TLX3: variants seen among roughly 807,000 people sequenced by gnomAD.
TLX3 encodes T cell leukemia homeobox 3.
Under a neutral mutation model 19.6 loss-of-function variants are expected in TLX3, and 11 were observed. That is an observed-to-expected ratio of 0.56 (90% CI 0.35 to 0.93). The LOEUF (loss-of-function observed/expected upper bound fraction) is 0.93. Among genes scored for constraint, TLX3 ranks in the 40% least tolerant of loss-of-function variants. The pLI is 0.01. For synonymous variants in TLX3, 221 were observed against 188.1 expected (o/e 1.17, Z -1.43); for missense variants, 375 against 418.6 (o/e 0.90, Z 0.91).
Position 171,311,755 on chromosome 5 carries a change from G to A in TLX3, c.*156G>A, listed in dbSNP as rs1472540012. On this transcript the variant is annotated 3_prime_UTR_variant, in exon 3 of 3. Coordinates refer to ENST00000296921, the MANE Select transcript of TLX3 (RefSeq NM_021025.4). This position sits in a 1 kb window ranked among gnomAD's most constrained non-coding sequence, Gnocchi z 5.1. ...GCGCGGCCACAGACTGGCGGGCCGCGGAAGGGGGTAGGGCCCGAGCTCCGC... is the reference window on the plus strand; with the variant it reads ...GCGCGGCCACAGACTGGCGGGCCGCAGAAGGGGGTAGGGCCCGAGCTCCGC... The A allele has an allele frequency of 1.9e-5, 10 of 524,548 alleles. No individual in the cohort carries two copies. Among genetic ancestry groups the A allele is most frequent in the South Asian group, 2.9e-5 (1 of 34,920 alleles). 32.5% of individuals were successfully genotyped at this position (524,548 alleles called of 1,614,324 possible). A position where few individuals can be genotyped will look rare whatever the true frequency, so the allele number is the denominator to read the frequency against.
intron 2 of TLX3, among the ~76,000 whole-genome samples, chr5:171,310,891 G>A (rs1194139163): frequency 1.3e-5 from 2 of 151,852 alleles, no homozygotes; most frequent in African/African-American, 4.8e-5. Context: ...GTTTTTATCC[G>A]ATCTCTGTTT....
Position 171,309,737 on chromosome 5 carries a change from T to A in TLX3, c.372T>A (p.Asn124Lys). 6.2e-7 allele frequency: 1 copy of A among 1,610,430 alleles called. No homozygotes were observed. Among genetic ancestry groups the A allele is most frequent in the Non-Finnish European group, 8.5e-7 (1 of 1,178,930 alleles). The change falls in exon 1 of 3, where the codon AAT (asparagine) becomes AAA (lysine). Residue 124 changes from asparagine (N) to lysine (K), a missense_variant. Asn to Lys is a moderately conservative substitution (Grantham distance 94, BLOSUM62 0). Transcript: ENST00000296921. Reference protein sequence around the residue: ...VPTVSSLGGLNFPWMESSRRF... With the variant: ...VPTVSSLGGLKFPWMESSRRF... ...CGGTCTCCAGCCTTGGCGGTCTCAA[T>A]TTCCCCTGGATGGAGAGCAGCCGCC... is the stretch of plus-strand genomic sequence containing the variant.
At position 171,311,643 on chromosome 5, in the gene TLX3, A is replaced by C; in HGVS notation, c.*44A>C. On this transcript the variant is annotated 3_prime_UTR_variant, in exon 3 of 3. Transcript: ENST00000296921. The surrounding 1 kb of genome is among the most constrained non-coding windows in gnomAD (Gnocchi z 5.1). ...TCGCCACGGATCGCCGCCCCCACCC[A>C]GCCGGGCGCCCCGGACCCCCCAGGC... 1 of 1,498,334 alleles carries C rather than the reference A, an allele frequency of 6.7e-7. No individual in the cohort carries two copies. The highest frequency in any genetic ancestry group is 9.1e-7 in the Non-Finnish European group (1 of 1,099,106). 92.8% of individuals were successfully genotyped at this position (1,498,334 alleles called of 1,614,324 possible).
rs1329231797 is a variant in TLX3, at chr5:171,311,374, C to T, written c.666-15C>T. The T allele has an allele frequency of 7.1e-6, 11 of 1,548,578 alleles. No individual in the cohort carries two copies. ...GGTGCATGACGGTACTGTCCCTCTCCCTCCCCCGGTGCAGGCGGCAGACGG... is the reference window on the plus strand; with the variant it reads ...GGTGCATGACGGTACTGTCCCTCTCTCTCCCCCGGTGCAGGCGGCAGACGG... On this transcript the variant is annotated splice_polypyrimidine_tract_variant and intron_variant, in intron 2 of 2. Transcript: ENST00000296921. The surrounding 1 kb of genome is among the most constrained non-coding windows in gnomAD (Gnocchi z 5.1).
chr5:171,310,300 TG>T lies in TLX3; in HGVS notation c.574del (p.Ala192ProfsTer14). On this transcript the variant is annotated frameshift_variant, in exon 2 of 3. Transcript: ENST00000296921. LOFTEE classifies it high-confidence loss of function. ...LEKRFHRQKY[L>X]ASAERAALAK... ...AAGCGCTTCCATCGCCAGAAGTACC[TG>T]GCCTCTGCCGAGAGGGCGGCGCTCG... The T allele has an allele frequency of 6.2e-7, 1 of 1,603,992 alleles. No individual in the cohort carries two copies. The highest frequency in any genetic ancestry group is 8.5e-7 in the Non-Finnish European group (1 of 1,175,610).
In TLX3 at chr5:171,311,410, G is replaced by A. The variant is rs960697202; in HGVS notation, c.687G>A (p.Arg229=). The change falls in exon 3 of 3, where the codon CGG becomes CGA. Residue 229 remains arginine (R), a synonymous_variant. Transcript: ENST00000296921. This position sits in a 1 kb window ranked among gnomAD's most constrained non-coding sequence, Gnocchi z 5.1. ...TKWRRQTAEE[R]EAERQQASRL... is the part of the protein sequence containing the mutation. The stretch of plus-strand genomic sequence containing the variant: ...GCAGGCGGCAGACGGCGGAGGAGCG[G>A]GAGGCGGAGCGGCAGCAGGCGAGCC... The A allele has an allele frequency of 6.4e-7, 1 of 1,560,952 alleles. No homozygotes were observed. The highest frequency in any genetic ancestry group is 1.4e-5 in the African/African-American group (1 of 73,632).
rs1769235371 is a variant in TLX3 at position 171,312,137 on chromosome 5, T to C, written c.*538T>C. 1 of 174,010 alleles carries C rather than the reference T, an allele frequency of 5.7e-6. No individual in the cohort carries two copies. The highest frequency in any genetic ancestry group is 6.4e-5 in the Admixed American group (1 of 15,714). 10.8% of individuals were successfully genotyped at this position (174,010 alleles called of 1,614,324 possible). A position where few individuals can be genotyped will look rare whatever the true frequency, so the allele number is the denominator to read the frequency against. On this transcript the variant is annotated 3_prime_UTR_variant, in exon 3 of 3. Transcript: ENST00000296921. ...TAATAAAAAAGTTAGCTATTTCACTTAACGCCGCTTTTATTTCGTTTTCGT... is the reference window on the plus strand; with the variant it reads ...TAATAAAAAAGTTAGCTATTTCACTCAACGCCGCTTTTATTTCGTTTTCGT...
At position 171,312,055 on chromosome 5, in the gene TLX3, G is replaced by T. The variant is rs896252577; in HGVS notation, c.*456G>T. ...GTGCCAGGGGCCCGGGGCACCCTGCGTTTAGGCTGGGTCCACTCTTCTTCT... is the reference window on the plus strand; with the variant it reads ...GTGCCAGGGGCCCGGGGCACCCTGCTTTTAGGCTGGGTCCACTCTTCTTCT... On this transcript the variant is annotated 3_prime_UTR_variant, in exon 3 of 3. Transcript: ENST00000296921. 1 of 190,120 alleles carries T rather than the reference G, an allele frequency of 5.3e-6. No homozygotes were observed. The highest frequency in any genetic ancestry group is 2.3e-5 in the African/African-American group (1 of 42,918). The allele number at this position is 190,120 out of a possible 1,614,324, so 11.8% of individuals were successfully genotyped here. A position where few individuals can be genotyped will look rare whatever the true frequency, so the allele number is the denominator to read the frequency against.
At chr5:171,310,423 C>T in intron 2 of TLX3, 30 bp downstream of exon 2, 1 of 1,606,460 alleles carries the variant, frequency 6.2e-7, no homozygotes, top group Non-Finnish European at 8.5e-7. Flanking sequence ...GCCCACCTTA[C>T]ACCTGCCCTT....
In TLX3 at chr5:171,309,273, C is replaced by A; in HGVS notation, c.-93C>A. ...GCGCACTCTTGGCAAAGTTTCAGTG[C>A]GACGAGAGGCGCCGGGCGCTCCATG... On this transcript the variant is annotated 5_prime_UTR_variant, in exon 1 of 3. Coordinates refer to ENST00000296921, the MANE Select transcript of TLX3 (RefSeq NM_021025.4). 1 of 1,115,098 alleles carries A rather than the reference C, an allele frequency of 9.0e-7. No individual in the cohort carries two copies. Among genetic ancestry groups the A allele is most frequent in the Non-Finnish European group, 1.2e-6 (1 of 823,996 alleles). The allele number at this position is 1,115,098 out of a possible 1,614,324, so 69.1% of individuals were successfully genotyped here.
At position 171,311,272 on chromosome 5, in the gene TLX3, G is replaced by C; in HGVS notation, c.666-117G>C. 2 of 812,714 alleles carry C rather than the reference G, an allele frequency of 2.5e-6. No homozygotes were observed. The highest frequency in any genetic ancestry group is 3.8e-6 in the Non-Finnish European group (2 of 528,090). 50.3% of individuals were successfully genotyped at this position (812,714 alleles called of 1,614,324 possible). A position where few individuals can be genotyped will look rare whatever the true frequency, so the allele number is the denominator to read the frequency against. On this transcript the variant is annotated intron_variant, in intron 2 of 2. Coordinates refer to ENST00000296921, the MANE Select transcript of TLX3 (RefSeq NM_021025.4). The surrounding 1 kb of genome is among the most constrained non-coding windows in gnomAD (Gnocchi z 5.1). ...TAAAGCGCGGGCTGGGAGGCAGACGGGTTCTGCGCCTCGAGGCTCCCGGAT... is the reference window on the plus strand; with the variant it reads ...TAAAGCGCGGGCTGGGAGGCAGACGCGTTCTGCGCCTCGAGGCTCCCGGAT...
rs992040346 is a variant in TLX3, at chr5:171,311,200, A to G, written c.666-189A>G. Among the ~76,000 whole-genome samples the G allele has an allele frequency of 2.6e-5, 4 of 152,170 alleles. No homozygotes were observed. Among genetic ancestry groups the G allele is most frequent in the Admixed American group, 1.3e-4 (2 of 15,280 alleles). On this transcript the variant is annotated intron_variant, in intron 2 of 2. Coordinates refer to ENST00000296921, the MANE Select transcript of TLX3 (RefSeq NM_021025.4). The surrounding 1 kb of genome is among the most constrained non-coding windows in gnomAD (Gnocchi z 5.1). ...CCTGGAGACCCTCTGGCACACAACAAAAACAAATGATCCTAACCGGCTCCC... is the reference window on the plus strand; with the variant it reads ...CCTGGAGACCCTCTGGCACACAACAGAAACAAATGATCCTAACCGGCTCCC...
chr5:171,310,022 C>T, intron 1 of TLX3, 128 bp from the exon 2 acceptor site: 1 of 1,422,308 alleles, frequency 7.0e-7, no homozygotes. Context: ...CTTGGTGTCT[C>T]TGGAAACGCG....
At chr5:171,310,497 G>GC (rs1769201398) in intron 2 of TLX3, 104 bp downstream of exon 2, 1 of 1,288,802 alleles carries the variant, frequency 7.8e-7, no homozygotes, top group Non-Finnish European at 1.0e-6. Context: ...CACTACCCCC[G>GC]CCCCCCTCTG....
chr5:171,311,245 C>CTTT lies in TLX3; in HGVS notation c.666-144_666-143insTTT, dbSNP rs1769215234. 2 of 650,618 alleles carry CTTT rather than the reference C, an allele frequency of 3.1e-6. No homozygotes were observed. The highest frequency in any genetic ancestry group is 3.0e-5 in the Admixed American group (1 of 33,618). The allele number at this position is 650,618 out of a possible 1,614,324, so 40.3% of individuals were successfully genotyped here. ...GCTCCCTGGATATAAGAGCCTCGGG[C>CTTT]GTAAAGCGCGGGCTGGGAGGCAGAC... On this transcript the variant is annotated intron_variant, in intron 2 of 2. Coordinates refer to ENST00000296921, the MANE Select transcript of TLX3 (RefSeq NM_021025.4). The surrounding 1 kb of genome is among the most constrained non-coding windows in gnomAD (Gnocchi z 5.1).
At position 171,310,288 on chromosome 5, in the gene TLX3, G is replaced by A. The variant is rs1036136896; in HGVS notation, c.560G>A (p.Arg187His). The change falls in exon 2 of 3, where the codon CGC (arginine) becomes CAC (histidine). Residue 187 changes from arginine (R) to histidine (H), a missense_variant. By Grantham distance (29) the Arg-to-His change is conservative. This residue lies in a region of TLX3 where 74 missense variants were observed against 138.6 expected (regional missense o/e 0.53). Transcript: ENST00000296921. ...TGCGAGCTGGAAAAGCGCTTCCATCGCCAGAAGTACCTGGCCTCTGCCGAG... is the reference window on the plus strand; with the variant it reads ...TGCGAGCTGGAAAAGCGCTTCCATCACCAGAAGTACCTGGCCTCTGCCGAG... ...QICELEKRFH[R>H]QKYLASAERA... 1.3e-6 allele frequency: 2 copies of A among 1,596,772 alleles called. No individual in the cohort carries two copies. The highest frequency in any genetic ancestry group is 1.7e-6 in the Non-Finnish European group (2 of 1,172,084).
chr5:171,310,010 G>A (rs1345240621), intron 1 of TLX3, 140 bp from the exon 2 acceptor site: 15 of 1,381,522 alleles, frequency 1.1e-5, no homozygotes, highest in South Asian at 1.5e-5. Flanking sequence ...TCTCCCGACC[G>A]GCTTGGTGTC....
At chr5:171,310,511 C>T in intron 2 of TLX3, 118 bp downstream of exon 2, 2 of 1,265,890 alleles carry the variant, frequency 1.6e-6, no homozygotes, top group South Asian at 3.1e-5. Flanking sequence ...CCCTCTGCCT[C>T]CCCCAAACAC....
rs1426075202 is a variant in TLX3 at position 171,311,345 on chromosome 5, G to A, written c.666-44G>A. Reference sequence around the variant, plus strand: ...GGGGCCCCGCCGGCGGCCCCGCGGTGCCGGGTGCATGACGGTACTGTCCCT... The same window carrying A: ...GGGGCCCCGCCGGCGGCCCCGCGGTACCGGGTGCATGACGGTACTGTCCCT... On this transcript the variant is annotated intron_variant, in intron 2 of 2. Coordinates refer to ENST00000296921, the MANE Select transcript of TLX3 (RefSeq NM_021025.4). This position sits in a 1 kb window ranked among gnomAD's most constrained non-coding sequence, Gnocchi z 5.1. 2 of 1,519,676 alleles carry A rather than the reference G, an allele frequency of 1.3e-6. No homozygotes were observed. Among genetic ancestry groups the A allele is most frequent in the South Asian group, 1.2e-5 (1 of 80,900 alleles). 94.1% of individuals were successfully genotyped at this position (1,519,676 alleles called of 1,614,324 possible).
Sources: allele counts gnomAD v4.1 joint callset (sites outside exome capture counted in the v4.1 genomes callset), GRCh38; gene constraint gnomAD v4.1.1; regional missense constraint gnomAD v4.1.1; non-coding constraint Gnocchi (gnomAD v3.1); transcripts MANE v1.5; gene names NCBI Gene and HGNC (gene_info 2026-07-23, HGNC 2026-07-21).